Variants in ACTR3C observed in about 807,000 individuals in gnomAD.
ACTR3C encodes the protein actin related protein 3C, also known as actin-related protein 3C.
In ACTR3C, 18 loss-of-function variants were observed where a neutral mutation model predicts 26.3. That is an observed-to-expected ratio of 0.68 (90% CI 0.47 to 1.01). ACTR3C has a LOEUF of 1.01. Among genes scored for constraint, ACTR3C ranks in the 50% least tolerant of loss-of-function variants. The pLI is 0.00. For missense variants in ACTR3C, 184 were observed against 250.7 expected (o/e 0.73, Z 1.80); for synonymous variants, 55 against 94.5 (o/e 0.58, Z 2.42).
the ACTR3C span, among the ~76,000 whole-genome samples, chr7:150,126,255 T>C: frequency 6.6e-6 from 1 of 152,198 alleles, no homozygotes; most frequent in African/African-American, 2.4e-5. Context: ...AATACTCTTG[T>C]GTTTGTATTT....
the ACTR3C span, among the ~76,000 whole-genome samples, chr7:149,914,884 T>C: frequency 0.014 from 2 of 146 alleles, no homozygotes; most frequent in Admixed American, 0.17. Flanking sequence ...ATTTAATTCT[T>C]TTTTTTTTTT....
the ACTR3C span, among the ~76,000 whole-genome samples, chr7:150,131,903 C>T: frequency 6.6e-6 from 1 of 152,220 alleles, no homozygotes; most frequent in South Asian, 2.1e-4. Flanking sequence ...TGACATGCTA[C>T]TACATGAATG....
At chr7:150,128,053 C>CA in the ACTR3C span, among the ~76,000 whole-genome samples, 617 of 113,800 alleles carry the variant, frequency 5.4e-3, 1 homozygote, top group African/African-American at 7.1e-3. Context: ...AAATTCATTC[C>CA]AAAAAAAAAA....
At chr7:150,008,859 A>G in the ACTR3C span, among the ~76,000 whole-genome samples, 9 of 151,662 alleles carry the variant, frequency 5.9e-5, no homozygotes, top group Non-Finnish European at 1.2e-4. Flanking sequence ...TTGCATGGAC[A>G]CTGATGAGCA....
chr7:149,941,912 C>T, the ACTR3C span, among the ~76,000 whole-genome samples: 1 of 152,216 alleles, frequency 6.6e-6, no homozygotes, highest in South Asian at 2.1e-4. Flanking sequence ...ACACTGTGCC[C>T]ACAGCCCAGG....
the ACTR3C span, among the ~76,000 whole-genome samples, chr7:150,235,334 A>G: frequency 1.3e-5 from 2 of 152,202 alleles, no homozygotes; most frequent in African/African-American, 4.8e-5. Flanking sequence ...GGGGTCCTCA[A>G]CATTTCTCTT....
At chr7:149,976,197 T>C in the ACTR3C span, among the ~76,000 whole-genome samples, 43 of 152,286 alleles carry the variant, frequency 2.8e-4, no homozygotes, top group African/African-American at 5.5e-4. Flanking sequence ...ATGAAACTTG[T>C]ATAGATGACC....
the ACTR3C span, among the ~76,000 whole-genome samples, chr7:149,938,402 C>T: frequency 6.6e-6 from 1 of 151,206 alleles, no homozygotes. Flanking sequence ...GGAATAGCCT[C>T]AAAATATAGT....
the ACTR3C span, among the ~76,000 whole-genome samples, chr7:149,951,819 C>T: frequency 7.3e-5 from 11 of 150,042 alleles, no homozygotes; most frequent in South Asian, 6.2e-4. Context: ...GGTGTGTAGG[C>T]GCCAGGGCCA....
intron 1 of ACTR3C, among the ~76,000 whole-genome samples, chr7:150,315,385 G>GTTGT: frequency 6.6e-6 from 1 of 152,148 alleles, no homozygotes; most frequent in African/African-American, 2.4e-5. Context: ...TGCAGCCGAA[G>GTTGT]ATGCTAGCAA....
At chr7:150,047,862 C>G in the ACTR3C span, 1 of 1,491,662 alleles carries the variant, frequency 6.7e-7, no homozygotes, top group African/African-American at 1.4e-5. Context: ...CATCGGGCAC[C>G]GCGCTCCTGC....
At chr7:149,931,182 A>G in the ACTR3C span, among the ~76,000 whole-genome samples, 1 of 152,222 alleles carries the variant, frequency 6.6e-6, no homozygotes, top group Admixed American at 6.5e-5. Flanking sequence ...AAACTTTTCT[A>G]AACGTACATA....
At chr7:149,908,634 A>AC in the ACTR3C span, among the ~76,000 whole-genome samples, 1 of 152,156 alleles carries the variant, frequency 6.6e-6, no homozygotes, top group Admixed American at 6.5e-5. Flanking sequence ...GTGGCCCCCT[A>AC]AAAACTTACA....
At chr7:149,953,293 A>C in the ACTR3C span, among the ~76,000 whole-genome samples, 1 of 149,608 alleles carries the variant, frequency 6.7e-6, no homozygotes, top group Non-Finnish European at 1.5e-5. Context: ...AATCCCAGAA[A>C]GAATTTTGCC....
chr7:150,128,878 G>A, the ACTR3C span, among the ~76,000 whole-genome samples: 1 of 151,822 alleles, frequency 6.6e-6, no homozygotes, highest in African/African-American at 2.4e-5. Context: ...GCTTACGAGG[G>A]CCCCAGCTCA....
chr7:149,990,256 C>G, the ACTR3C span, among the ~76,000 whole-genome samples: 1 of 150,998 alleles, frequency 6.6e-6, no homozygotes, highest in Non-Finnish European at 1.5e-5. Flanking sequence ...TGCACCCCCA[C>G]CCATCAGCCC....
the ACTR3C span, among the ~76,000 whole-genome samples, chr7:150,063,335 T>A: frequency 6.6e-6 from 1 of 151,528 alleles, no homozygotes; most frequent in Non-Finnish European, 1.5e-5. Flanking sequence ...AAGGCTGCCA[T>A]GAGGTCCTGG....
the ACTR3C span, among the ~76,000 whole-genome samples, chr7:149,891,696 G>A: frequency 3.5e-5 from 5 of 142,520 alleles, no homozygotes; most frequent in African/African-American, 1.0e-4. Flanking sequence ...ATGGTGGTGC[G>A]TGCCTGTAGT....
At chr7:150,152,778 T>C in the ACTR3C span, among the ~76,000 whole-genome samples, 494 of 152,238 alleles carry the variant, frequency 3.2e-3, 2 homozygotes, top group Non-Finnish European at 4.8e-3. Context: ...CTGGACTCTT[T>C]TTGGTTGGTA....
Sources: allele counts gnomAD v4.1 joint callset (sites outside exome capture counted in the v4.1 genomes callset), GRCh38; gene constraint gnomAD v4.1.1; transcripts MANE v1.5; gene names NCBI Gene and HGNC (gene_info 2026-07-23, HGNC 2026-07-21).